The following CEP350 variants were observed in gnomAD, a reference collection of about 807,000 sequenced individuals.
The protein encoded by CEP350 is centrosome-associated protein 350.
A neutral mutation model predicts 331.8 loss-of-function variants in CEP350; 126 were observed. That is an observed-to-expected ratio of 0.38 (90% CI 0.33 to 0.44). The LOEUF (loss-of-function observed/expected upper bound fraction) is 0.44. Ranked by LOEUF, CEP350 falls within the 20% of genes least tolerant of loss-of-function variation. The probability of loss-of-function intolerance (pLI) is 1.00; values close to 1 mark genes in which losing one functional copy is unlikely to be tolerated. For missense variants in CEP350, 3,406 were observed against 3,634.6 expected, an observed-to-expected ratio of 0.94 and a Z score of 1.62; for synonymous variants, 1,200 against 1,259.5, an observed-to-expected ratio of 0.95 and a Z score of 1.00.
Position 180,042,165 on chromosome 1 carries a change from C to CAT in CEP350, c.4362+364_4362+365insTA, listed in dbSNP as rs551941430. Among the ~76,000 whole-genome samples, 38 of 151,636 alleles carry CAT rather than the reference C, an allele frequency of 2.5e-4. No individual in the cohort carries two copies. In the South Asian group the frequency reaches 7.9e-3, roughly 32 times the overall value. On this transcript the variant is annotated intron_variant, in intron 19 of 37. Transcript: ENST00000367607. Reference sequence around the variant, plus strand: ...ACACACACACACACACACACACACACACATCTCCCTATAACCATCACCACA... The same window carrying CAT: ...ACACACACACACACACACACACACACATACATCTCCCTATAACCATCACCACA...
Position 180,093,273 on chromosome 1 carries a change from G to C in CEP350, c.7168G>C (p.Ala2390Pro), listed in dbSNP as rs557717928. 8.6e-5 allele frequency: 138 copies of C among 1,599,180 alleles called. 3 individuals carry two copies. In the South Asian group the frequency reaches 1.5e-3, roughly 17 times the overall value. Residue 2390 changes from alanine to proline, a missense_variant, in exon 34 of 38, where the codon GCT (alanine) becomes CCT (proline). Transcript: ENST00000367607. ...EVSSFKKEIS[A>P]ELYKDDFEVS... ...GTCTTCTTTCAAGAAAGAAATTTCA[G>C]CTGAATTGTACAAAGATGATTTTGA...
chr1:179,972,301 A>AT (rs1469509384), intron 1 of CEP350, among the ~76,000 whole-genome samples: 4 of 152,100 alleles, frequency 2.6e-5, no homozygotes, highest in Admixed American at 2.6e-4. Context: ...TGAAGGTCAA[A>AT]TCCTCCTGAA....
chr1:179,971,820 A>T (rs1405822472), intron 1 of CEP350, among the ~76,000 whole-genome samples: 1 of 152,204 alleles, frequency 6.6e-6, no homozygotes, highest in Non-Finnish European at 1.5e-5. Context: ...TCCATTGTAC[A>T]TTCATAAGAG....
chr1:179,964,766 CT>C (rs576706075), intron 1 of CEP350, among the ~76,000 whole-genome samples: 2,891 of 142,302 alleles, frequency 0.02, 79 homozygotes, highest in African/African-American at 0.062. Context: ...GATCTTCTCA[CT>C]TTTTTTTTTT....
At chr1:180,036,114 G>A (rs1433900025) in intron 16 of CEP350, among the ~76,000 whole-genome samples, 1 of 152,176 alleles carries the variant, frequency 6.6e-6, no homozygotes, top group Non-Finnish European at 1.5e-5. Flanking sequence ...TGCAGATACG[G>A]TGGAAATAGC....
At chr1:179,962,974 G>A (rs1650742643) in intron 1 of CEP350, among the ~76,000 whole-genome samples, 1 of 152,068 alleles carries the variant, frequency 6.6e-6, no homozygotes, top group Non-Finnish European at 1.5e-5. Flanking sequence ...CTTGTCATCT[G>A]TTATTTTTTA....
Position 180,098,969 on chromosome 1 carries a change from G to T in CEP350, c.9173G>T (p.Arg3058Leu). 6.2e-7 allele frequency: 1 copy of T among 1,613,512 alleles called. No individual in the cohort carries two copies. Among genetic ancestry groups the T allele is most frequent in the Non-Finnish European group, 8.5e-7 (1 of 1,179,704 alleles). Residue 3058 changes from arginine to leucine, a missense_variant, in exon 37 of 38, where the codon CGA (arginine) becomes CTA (leucine). By Grantham distance (102) the Arg-to-Leu change is moderately radical. Transcript: ENST00000367607. ...MMKFGRKKRD[R>L]VDHILVQELH... ...AAATTTGGAAGAAAGAAAAGAGACC[G>T]AGTGGATCATATCCTGGTCAGTGTA...
intron 1 of CEP350, among the ~76,000 whole-genome samples, chr1:179,972,266 A>C (rs936377393): frequency 2.6e-5 from 4 of 152,078 alleles, no homozygotes; most frequent in Non-Finnish European, 4.4e-5. Context: ...CCAGCGAGAG[A>C]GTATAGTGTT....
Position 180,014,202 on chromosome 1 carries a change from T to G in CEP350, c.1749T>G (p.Pro583=). The G allele has an allele frequency of 6.2e-7, 1 of 1,610,268 alleles. No homozygotes were observed. Among genetic ancestry groups the G allele is most frequent in the Non-Finnish European group, 8.5e-7 (1 of 1,178,312 alleles). The change falls in exon 10 of 38, where the codon CCT becomes CCG. Residue 583 remains proline (P), a synonymous_variant. Coordinates refer to ENST00000367607, the MANE Select transcript of CEP350 (RefSeq NM_014810.5). The stretch of plus-strand genomic sequence containing the variant: ...AAATAACAGCTAATGAAGATCCCCC[T>G]GTTATTTCCAAAAGGCGCCACTATG... ...PDKITANEDP[P]VISKRRHYDT... is the part of the protein sequence containing the mutation.
chr1:180,025,261 T>C (rs1454853790), intron 14 of CEP350, among the ~76,000 whole-genome samples: 1 of 152,172 alleles, frequency 6.6e-6, no homozygotes, highest in Non-Finnish European at 1.5e-5. Flanking sequence ...AAAAAAACTT[T>C]ATAGTATATA....
At chr1:179,972,583 C>A (rs1412332416) in intron 1 of CEP350, among the ~76,000 whole-genome samples, 1 of 152,222 alleles carries the variant, frequency 6.6e-6, no homozygotes, top group Non-Finnish European at 1.5e-5. Flanking sequence ...CAGCTCACTG[C>A]AACCTCCGAC....
intron 14 of CEP350, among the ~76,000 whole-genome samples, chr1:180,026,995 G>A (rs1413133415): frequency 6.6e-6 from 1 of 152,184 alleles, no homozygotes; most frequent in African/African-American, 2.4e-5. Flanking sequence ...AGATCAAATG[G>A]TAATGCCATG....
rs1355344694 is a variant in CEP350 at position 180,004,902 on chromosome 1, G to GCTTTCTTTCTTT, written c.1133-1549_1133-1548insTCTTTCTTTCTT. Among the ~76,000 whole-genome samples the GCTTTCTTTCTTT allele has an allele frequency of 4.3e-3, 537 of 125,272 alleles. 2 individuals carry two copies. The highest frequency in any genetic ancestry group is 8.0e-3 in the Middle Eastern group (2 of 250). The allele number at this position is 125,272 out of a possible 152,430, so 82.2% of individuals were successfully genotyped here. ...TGCTTGCTTGCTTGCTTGCTTGCTT[G>GCTTTCTTTCTTT]CTTGCTTTCTTTCTTTCTTTCTTTC... On this transcript the variant is annotated intron_variant, in intron 7 of 37. Coordinates refer to ENST00000367607, the MANE Select transcript of CEP350 (RefSeq NM_014810.5).
In CEP350 at chr1:179,954,820, C is replaced by T. The variant is rs868717134; in HGVS notation, c.-336C>T. 2.4e-6 allele frequency: 1 copy of T among 423,658 alleles called. No individual in the cohort carries two copies. The allele number at this position is 423,658 out of a possible 1,614,324, so 26.2% of individuals were successfully genotyped here. On this transcript the variant is annotated 5_prime_UTR_variant, in exon 1 of 38. Transcript: ENST00000367607. Reference sequence around the variant, plus strand: ...CTCCTCCTCCGTGTCAGTTGTTGGGCTGTAATGGCGACTGGGCCGCCCCTG... The same window carrying T: ...CTCCTCCTCCGTGTCAGTTGTTGGGTTGTAATGGCGACTGGGCCGCCCCTG...
At chr1:180,077,138 G>A (rs1374249686) in intron 28 of CEP350, among the ~76,000 whole-genome samples, 2 of 152,110 alleles carry the variant, frequency 1.3e-5, no homozygotes, top group East Asian at 3.9e-4. Context: ...GAATTTACAT[G>A]TTAATTATTA....
At chr1:180,077,046 A>C (rs533513979) in intron 28 of CEP350, among the ~76,000 whole-genome samples, 1 of 152,160 alleles carries the variant, frequency 6.6e-6, no homozygotes, top group Non-Finnish European at 1.5e-5. Context: ...AGGCTAGAAA[A>C]AGAATTAAAA....
At chr1:180,013,624 C>T (rs1654793462) in intron 9 of CEP350, among the ~76,000 whole-genome samples, 2 of 152,252 alleles carry the variant, frequency 1.3e-5, no homozygotes, top group Middle Eastern at 6.8e-3. Flanking sequence ...TATTTAAAAA[C>T]AAACCAAGGA....
intron 29 of CEP350, 89 bp downstream of exon 29, chr1:180,078,763 G>GTTAACAC: frequency 5.7e-6 from 6 of 1,061,588 alleles, no homozygotes; most frequent in Non-Finnish European, 8.1e-6. Flanking sequence ...ATTAATGACA[G>GTTAACAC]TGTTAACTGT....
Position 180,094,340 on chromosome 1 carries a change from A to G in CEP350, c.8235A>G (p.Lys2745=), listed in dbSNP as rs759336337. 1 of 1,613,952 alleles carries G rather than the reference A, an allele frequency of 6.2e-7. No homozygotes were observed. Among genetic ancestry groups the G allele is most frequent in the Non-Finnish European group, 8.5e-7 (1 of 1,179,868 alleles). The change falls in exon 34 of 38, where the codon AAA becomes AAG. Residue 2745 remains lysine, a synonymous_variant. Transcript: ENST00000367607. ...CACTAAATGAGGAAAAAAAGTCAAA[A>G]CAACAACTGGAAAAAATCAGCTTAC... ...KSSLNEEKKS[K]QQLEKISLLT...
Sources: gnomAD v4.1 joint callset for allele counts (sites outside exome capture counted in the v4.1 genomes callset) on GRCh38, gnomAD v4.1.1 for gene constraint, MANE v1.5 for transcripts, NCBI Gene and HGNC (gene_info 2026-07-23, HGNC 2026-07-21) for gene names.